PEAK1: variants seen among roughly 807,000 people sequenced by gnomAD.
PEAK1 encodes inactive tyrosine-protein kinase PEAK1.
In PEAK1, 54 loss-of-function variants were observed where a neutral mutation model predicts 124.7. The ratio of observed to expected loss-of-function variants is 0.43; its 90% confidence interval spans 0.35 to 0.54. The LOEUF is 0.54. Among genes scored for constraint, PEAK1 ranks in the 20% least tolerant of loss-of-function variants. The probability of loss-of-function intolerance (pLI) is 0.01; values close to 1 mark genes in which losing one functional copy is unlikely to be tolerated. For missense variants in PEAK1, 2,046 were observed against 2,134.5 expected (o/e 0.96, Z 0.82); for synonymous variants, 719 against 760.0 (o/e 0.95, Z 0.89).
chr15:77,129,155 C>T (rs1261223292), intron 9 of PEAK1, among the ~76,000 whole-genome samples: 1 of 152,360 alleles, frequency 6.6e-6, no homozygotes, highest in East Asian at 1.9e-4. Flanking sequence ...CTCTCTCCCT[C>T]ACTCCTTGCC....
chr15:77,416,885 T>A (rs991625286), intron 1 of PEAK1, among the ~76,000 whole-genome samples: 11 of 152,248 alleles, frequency 7.2e-5, no homozygotes, highest in African/African-American at 2.4e-4. Flanking sequence ...TGAGTTTATA[T>A]TATTAAAATT....
intron 8 of PEAK1, among the ~76,000 whole-genome samples, chr15:77,152,087 C>A (rs1270497713): frequency 1.3e-5 from 2 of 152,158 alleles, no homozygotes; most frequent in Non-Finnish European, 2.9e-5. Flanking sequence ...GCAGTATGGC[C>A]ATTTTCACGA....
chr15:77,194,130 C>G (rs2057991420), intron 6 of PEAK1, among the ~76,000 whole-genome samples: 1 of 152,168 alleles, frequency 6.6e-6, no homozygotes, highest in Non-Finnish European at 1.5e-5. Flanking sequence ...GGCAGACATT[C>G]AGACTGGGTC....
intron 8 of PEAK1, among the ~76,000 whole-genome samples, chr15:77,151,070 T>G (rs532019894): frequency 1.9e-4 from 29 of 152,296 alleles, no homozygotes; most frequent in Admixed American, 1.7e-3. Context: ...TAGTTCTAGA[T>G]GCCTGAGGCA....
chr15:77,223,708 G>T (rs1011031835), intron 6 of PEAK1, among the ~76,000 whole-genome samples: 40 of 152,070 alleles, frequency 2.6e-4, no homozygotes, highest in African/African-American at 9.4e-4. Context: ...AATTAAATCT[G>T]CTAAGTGATT....
intron 6 of PEAK1, among the ~76,000 whole-genome samples, chr15:77,231,232 T>C (rs1005648605): frequency 2.2e-4 from 33 of 152,162 alleles, no homozygotes; most frequent in African/African-American, 7.2e-4. Context: ...ATTCTAACCT[T>C]TCTTGCAATA....
chr15:77,312,457 A>G (rs2064536889), intron 2 of PEAK1, among the ~76,000 whole-genome samples: 1 of 152,212 alleles, frequency 6.6e-6, no homozygotes, highest in Non-Finnish European at 1.5e-5. Context: ...AAATAAACAA[A>G]TAACAATTCT....
intron 1 of PEAK1, chr15:77,381,282 A>G: frequency 1.1e-6 from 1 of 938,322 alleles, no homozygotes; most frequent in African/African-American, 1.8e-5. Flanking sequence ...AGATGCAGTG[A>G]TGTGTACTTG....
chr15:77,141,407 T>C (rs1174838211), intron 8 of PEAK1, among the ~76,000 whole-genome samples: 2 of 152,206 alleles, frequency 1.3e-5, no homozygotes, highest in Admixed American at 1.3e-4. Flanking sequence ...AATGGAAAGA[T>C]ATCTTATGCT....
chr15:77,419,319 C>T, intron 1 of PEAK1: 1 of 985,116 alleles, frequency 1.0e-6, no homozygotes, highest in Non-Finnish European at 1.2e-6. Flanking sequence ...AGGGGGCAGA[C>T]GCGGTTCAGA....
Position 77,179,657 on chromosome 15 carries a change from C to G in PEAK1, c.2270G>C (p.Ser757Thr). The G allele has an allele frequency of 6.2e-7, 1 of 1,614,134 alleles. No individual in the cohort carries two copies. The highest frequency in any genetic ancestry group is 8.5e-7 in the Non-Finnish European group (1 of 1,180,008). ...TGTGCTTGCTTTCTCTCTGGTGCTG[C>G]TGCTGCCCACCATCTGAGACTCCTG... The part of the protein sequence containing the change: ...GTQESQMVGS[S>T]STREKASTVL... The change falls in exon 7 of 10, where the codon AGC becomes ACC. Residue 757 changes from serine to threonine, a missense_variant. By Grantham distance (58) the Ser-to-Thr change is moderately conservative. Transcript: ENST00000682557.
chr15:77,347,296 G>C (rs1044188221), intron 2 of PEAK1: 2 of 984,722 alleles, frequency 2.0e-6, no homozygotes, highest in Admixed American at 6.2e-5. Context: ...TTCACTTTTG[G>C]ACTAGTAATG....
At chr15:77,354,561 T>A (rs1010019880) in intron 2 of PEAK1, among the ~76,000 whole-genome samples, 1 of 152,188 alleles carries the variant, frequency 6.6e-6, no homozygotes, top group Non-Finnish European at 1.5e-5. Flanking sequence ...AGCTTACAGG[T>A]AGGTACTTTG....
rs533267543 is a variant in PEAK1, at chr15:77,314,620, G to A, written c.-602-28116C>T. ...CCTGACTTCATGATCCACCCACCTC[G>A]GCCTCCCAAAGTGCTGAGATTACAC... On this transcript the variant is annotated intron_variant, in intron 2 of 9. Transcript: ENST00000682557. Among the ~76,000 whole-genome samples, 7 of 152,082 alleles carry A rather than the reference G, an allele frequency of 4.6e-5. No homozygotes were observed. In the South Asian group the frequency reaches 8.3e-4, roughly 18 times the overall value.
At chr15:77,173,331 A>C (rs2056638681) in intron 7 of PEAK1, among the ~76,000 whole-genome samples, 1 of 152,190 alleles carries the variant, frequency 6.6e-6, no homozygotes, top group African/African-American at 2.4e-5. Context: ...AAAAATTTTA[A>C]ATTAACAAAT....
intron 2 of PEAK1, among the ~76,000 whole-genome samples, chr15:77,310,871 T>C (rs763839437): frequency 2.0e-5 from 3 of 152,158 alleles, no homozygotes; most frequent in African/African-American, 4.8e-5. Flanking sequence ...ACAGGGAGCA[T>C]AGTATGTTTA....
chr15:77,372,187 G>C (rs936572042), intron 1 of PEAK1, among the ~76,000 whole-genome samples: 1 of 152,184 alleles, frequency 6.6e-6, no homozygotes, highest in African/African-American at 2.4e-5. Flanking sequence ...TTGCTCCACT[G>C]TTGTCGATTT....
At chr15:77,245,788 G>A (rs958208399) in intron 6 of PEAK1, among the ~76,000 whole-genome samples, 1 of 152,068 alleles carries the variant, frequency 6.6e-6, no homozygotes, top group African/African-American at 2.4e-5. Context: ...ACATATGTGT[G>A]TATCTATTTC....
intron 1 of PEAK1, among the ~76,000 whole-genome samples, chr15:77,374,495 G>A (rs2141722865): frequency 6.6e-6 from 1 of 152,180 alleles, no homozygotes; most frequent in East Asian, 1.9e-4. Context: ...ATATTGCTAA[G>A]GTGGTGACAG....
Sources: allele counts gnomAD v4.1 joint callset (sites outside exome capture counted in the v4.1 genomes callset), GRCh38; gene constraint gnomAD v4.1.1; transcripts MANE v1.5; gene names NCBI Gene and HGNC (gene_info 2026-07-23, HGNC 2026-07-21).